The following UNC45B variants were observed in gnomAD, a reference collection of about 807,000 sequenced individuals.
The protein encoded by UNC45B is unc-45 myosin chaperone B, also known as protein unc-45 homolog B.
A neutral mutation model predicts 98.7 loss-of-function variants in UNC45B; 78 were observed. The ratio of observed to expected loss-of-function variants is 0.79; its 90% confidence interval spans 0.66 to 0.95. The LOEUF is 0.95. UNC45B is among the 40% of genes least tolerant of loss of function. UNC45B has a pLI of 0.00. For missense variants in UNC45B, 1,225 were observed against 1,184.9 expected, an observed-to-expected ratio of 1.03 and a Z score of -0.50; for synonymous variants, 462 against 480.4, an observed-to-expected ratio of 0.96 and a Z score of 0.50.
chr17:35,181,377 G>A (rs1420742171), intron 18 of UNC45B, among the ~76,000 whole-genome samples: 1 of 152,130 alleles, frequency 6.6e-6, no homozygotes, highest in Non-Finnish European at 1.5e-5. Flanking sequence ...TAACATGAGG[G>A]CCAAGCCGAA....
chr17:35,167,982 A>G (rs911002485), intron 9 of UNC45B, 79 bp from the exon 10 acceptor site: 1 of 1,345,732 alleles, frequency 7.4e-7, no homozygotes, highest in Admixed American at 2.8e-5. Flanking sequence ...TGCAAATCCA[A>G]ATCCTACTGC....
chr17:35,167,163 T>G (rs574099748), intron 9 of UNC45B, among the ~76,000 whole-genome samples: 1 of 152,338 alleles, frequency 6.6e-6, no homozygotes, highest in South Asian at 2.1e-4. Context: ...GTGCCGGGCA[T>G]CACGCTAGGC....
chr17:35,172,861 G>A (rs992797915), intron 13 of UNC45B, among the ~76,000 whole-genome samples: 1 of 152,104 alleles, frequency 6.6e-6, no homozygotes, highest in Non-Finnish European at 1.5e-5. Context: ...TTAGTCTTTT[G>A]GATTATCCGT....
At chr17:35,180,743 G>T (rs1239879116) in intron 18 of UNC45B, 67 bp downstream of exon 18, 2 of 1,276,502 alleles carry the variant, frequency 1.6e-6, no homozygotes, top group East Asian at 4.8e-5. Context: ...CAGGGTCAGG[G>T]CCTGGGGTGA....
chr17:35,169,767 A>C (rs1486133366), intron 10 of UNC45B, 70 bp from the exon 11 acceptor site: 23 of 1,401,440 alleles, frequency 1.6e-5, no homozygotes, highest in Non-Finnish European at 2.2e-5. Flanking sequence ...AACCTGTTTG[A>C]GCAAGGCTTC....
In UNC45B at chr17:35,175,537, A is replaced by G. The variant is rs114767534; in HGVS notation, c.1959-431A>G. ...TCCAGGCAGAGAGAATAGCATCTGCAAAGACACTGAGGATGGAGAGAGAAT... is the reference window on the plus strand; with the variant it reads ...TCCAGGCAGAGAGAATAGCATCTGCGAAGACACTGAGGATGGAGAGAGAAT... On this transcript the variant is annotated intron_variant, in intron 14 of 19. Transcript: ENST00000394570. Among the ~76,000 whole-genome samples, 1,115 of 152,300 alleles carry G rather than the reference A, an allele frequency of 7.3e-3. 19 individuals carry two copies. Among genetic ancestry groups the G allele is most frequent in the African/African-American group, 0.026 (1,071 of 41,564 alleles).
At position 35,168,133 on chromosome 17, in the gene UNC45B, C is replaced by T; in HGVS notation, c.1224C>T (p.Gly408=). The change falls in exon 10 of 20, where the codon GGC becomes GGT. Residue 408 remains glycine (G), a synonymous_variant. Transcript: ENST00000394570. ...AIQTVSGILQ[G]PFDLGNQLLG... The stretch of plus-strand genomic sequence containing the variant: ...AGACAGTGTCAGGGATCCTGCAGGG[C>T]CCCTTTGACCTGGGCAACCAGCTGC... 7 of 1,595,154 alleles carry T rather than the reference C, an allele frequency of 4.4e-6. No individual in the cohort carries two copies. The highest frequency in any genetic ancestry group is 5.1e-6 in the Non-Finnish European group (6 of 1,170,100).
Position 35,174,278 on chromosome 17 carries a change from C to T in UNC45B, c.1867C>T (p.Leu623Phe), listed in dbSNP as rs1159293822. The change falls in exon 14 of 20, where the codon CTT becomes TTT. Residue 623 changes from leucine to phenylalanine, a missense_variant. Coordinates refer to ENST00000394570, the MANE Select transcript of UNC45B (RefSeq NM_001267052.2). ...CTTTATAGACATGCGGGTGAAGCGG[C>T]TTCTGAAGGCGGGTGTCATCTCTGC... Reference protein sequence around the residue: ...KDFIDMRVKRLLKAGVISALA... With the variant: ...KDFIDMRVKRFLKAGVISALA... 6.2e-7 allele frequency: 1 copy of T among 1,614,216 alleles called. No homozygotes were observed. The highest frequency in any genetic ancestry group is 2.2e-5 in the East Asian group (1 of 44,884).
chr17:35,152,817 T>G, intron 4 of UNC45B, 76 bp from the exon 5 acceptor site: 46 of 1,079,812 alleles, frequency 4.3e-5, no homozygotes, highest in Non-Finnish European at 6.1e-5. Flanking sequence ...TGATATTTAC[T>G]GAGATGAACT....
Position 35,164,071 on chromosome 17 carries a change from C to T in UNC45B, c.1056C>T (p.Arg352=). 6.2e-7 allele frequency: 1 copy of T among 1,614,112 alleles called. No homozygotes were observed. The highest frequency in any genetic ancestry group is 8.5e-7 in the Non-Finnish European group (1 of 1,180,020). The change falls in exon 9 of 20, where the codon CGC becomes CGT. Residue 352 remains arginine (R), a synonymous_variant. Transcript: ENST00000394570. The part of the protein sequence containing the change: ...PSCLPLTDNT[R]MLASILINKL... ...GCCTGCCCCTGACTGACAACACCCGCATGCTGGCCTCTATCCTCATCAACA... is the reference window on the plus strand; with the variant it reads ...GCCTGCCCCTGACTGACAACACCCGTATGCTGGCCTCTATCCTCATCAACA...
chr17:35,170,183 G>A lies in UNC45B; in HGVS notation c.1617G>A (p.Thr539=), dbSNP rs374645749. The change falls in exon 12 of 20, where the codon ACG becomes ACA. Residue 539 remains threonine, a synonymous_variant. Transcript: ENST00000394570. Reference sequence around the variant, plus strand: ...CAGTGGAGGGCCTGGCCTACCTCACGCTGGACGCTGATGTGAAGGACGACT... The same window carrying A: ...CAGTGGAGGGCCTGGCCTACCTCACACTGGACGCTGATGTGAAGGACGACT... ...RWAVEGLAYL[T]LDADVKDDFV... 2.5e-5 allele frequency: 40 copies of A among 1,613,836 alleles called. No homozygotes were observed. Among genetic ancestry groups the A allele is most frequent in the Non-Finnish European group, 3.0e-5 (35 of 1,179,928 alleles).
rs1186367375 is a variant in UNC45B, at chr17:35,171,326, G to C, written c.1694G>C (p.Ser565Thr). The C allele has an allele frequency of 6.2e-7, 1 of 1,613,944 alleles. No individual in the cohort carries two copies. The highest frequency in any genetic ancestry group is 8.5e-7 in the Non-Finnish European group (1 of 1,179,906). ...CCCCAACCCTGTGCCTTCCAGACCA[G>C]TGACAAGACCATCCTGTACTCGGTG... ...LQAMFELAKT[S>T]DKTILYSVAT... Residue 565 changes from serine (S) to threonine (T), a missense_variant, in exon 13 of 20, where the codon AGT (serine) becomes ACT (threonine). Physicochemically the swap from Ser to Thr is moderately conservative, Grantham distance 58 (BLOSUM62 1). Coordinates refer to ENST00000394570, the MANE Select transcript of UNC45B (RefSeq NM_001267052.2).
intron 8 of UNC45B, among the ~76,000 whole-genome samples, chr17:35,161,680 A>G (rs750349494): frequency 6.6e-6 from 1 of 152,174 alleles, no homozygotes; most frequent in Non-Finnish European, 1.5e-5. Context: ...CTCTGAAGTG[A>G]TAAGTATCTT....
At chr17:35,162,616 T>A (rs904684663) in intron 8 of UNC45B, among the ~76,000 whole-genome samples, 2 of 151,282 alleles carry the variant, frequency 1.3e-5, no homozygotes, top group African/African-American at 2.4e-5. Flanking sequence ...TGAGACAGAG[T>A]TTTGCCCTTG....
chr17:35,150,290 G>A, intron 4 of UNC45B, 67 bp downstream of exon 4: 1 of 1,512,414 alleles, frequency 6.6e-7, no homozygotes, highest in Non-Finnish European at 8.9e-7. Flanking sequence ...GTAGGAATGG[G>A]TTAGGGAGGT....
chr17:35,155,568 T>C, intron 7 of UNC45B, 104 bp downstream of exon 7: 6 of 1,247,062 alleles, frequency 4.8e-6, no homozygotes, highest in Non-Finnish European at 1.1e-6. Flanking sequence ...CTTGGTTTTA[T>C]GTATTTTCTT....
chr17:35,148,497 C>T, intron 2 of UNC45B, 66 bp downstream of exon 2: 1 of 1,533,284 alleles, frequency 6.5e-7, no homozygotes, highest in South Asian at 1.2e-5. Flanking sequence ...AGTGGCAGCC[C>T]CTTCACCCTG....
At chr17:35,162,523 A>C (rs1372023828) in intron 8 of UNC45B, among the ~76,000 whole-genome samples, 1 of 151,974 alleles carries the variant, frequency 6.6e-6, no homozygotes, top group South Asian at 2.1e-4. Context: ...CCTGGGCTCA[A>C]GTGGTCCTCC....
At position 35,155,421 on chromosome 17, in the gene UNC45B, G is replaced by A. The variant is rs371424117; in HGVS notation, c.765G>A (p.Glu255=). Residue 255 remains glutamate, a synonymous_variant, in exon 7 of 20, where the codon GAG becomes GAA. Coordinates refer to ENST00000394570, the MANE Select transcript of UNC45B (RefSeq NM_001267052.2). ...CCATCATTGACTCCTTGTCTGGGGA[G>A]GACAAGCGGGAGCATCGAGGGAAGG... ...LQAIIDSLSG[E]DKREHRGKEE... The A allele has an allele frequency of 2.0e-4, 327 of 1,614,058 alleles. No individual in the cohort carries two copies. Among genetic ancestry groups the A allele is most frequent in the Admixed American group, 5.7e-4 (34 of 60,004 alleles).
Sources: gnomAD v4.1 joint callset for allele counts (sites outside exome capture counted in the v4.1 genomes callset) on GRCh38, gnomAD v4.1.1 for gene constraint, MANE v1.5 for transcripts, NCBI Gene and HGNC (gene_info 2026-07-23, HGNC 2026-07-21) for gene names.